Variants in DMXL1 observed in about 807,000 individuals in gnomAD.
DMXL1 encodes the protein dmX-like protein 1.
In DMXL1, 99 loss-of-function variants were observed where a neutral mutation model predicts 319.2. That is an observed-to-expected ratio of 0.31 (90% CI 0.26 to 0.37). The LOEUF is 0.37. Ranked by LOEUF, DMXL1 falls within the 10% of genes least tolerant of loss-of-function variation. The probability of loss-of-function intolerance (pLI) is 1.00; values close to 1 mark genes in which losing one functional copy is unlikely to be tolerated. For missense variants in DMXL1, 3,745 were observed against 3,595.6 expected, an observed-to-expected ratio of 1.04 and a Z score of -1.06; for synonymous variants, 1,385 against 1,235.2, an observed-to-expected ratio of 1.12 and a Z score of -2.54.
intron 37 of DMXL1, 123 bp from the exon 38 acceptor site, chr5:119,224,586 C>A (rs1007643120): frequency 7.9e-6 from 3 of 382,002 alleles, no homozygotes; most frequent in African/African-American, 2.1e-5. Context: ...TTTTTAGCAC[C>A]CATAATGATA....
At chr5:119,245,440 C>G (rs1193150348) in intron 43 of DMXL1, among the ~76,000 whole-genome samples, 1 of 151,762 alleles carries the variant, frequency 6.6e-6, no homozygotes, top group African/African-American at 2.4e-5. Context: ...TTCTTAAAAT[C>G]AAATATATAT....
At chr5:119,080,222 C>G (rs1273510046) in intron 1 of DMXL1, among the ~76,000 whole-genome samples, 1 of 152,094 alleles carries the variant, frequency 6.6e-6, no homozygotes, top group African/African-American at 2.4e-5. Context: ...TGGTGGGTGC[C>G]TATGATCTCA....
chr5:119,101,002 C>T (rs535677893), intron 2 of DMXL1, among the ~76,000 whole-genome samples: 1 of 151,964 alleles, frequency 6.6e-6, no homozygotes, highest in South Asian at 2.1e-4. Context: ...AGGATGGACT[C>T]GATCTCCTGA....
chr5:119,141,136 T>A (rs1156393744), intron 13 of DMXL1, among the ~76,000 whole-genome samples: 1 of 152,114 alleles, frequency 6.6e-6, no homozygotes, highest in Non-Finnish European at 1.5e-5. Flanking sequence ...TGACAGACTC[T>A]CAGCCAACAT....
chr5:119,241,939 ATAAT>A (rs1307678912), intron 42 of DMXL1, among the ~76,000 whole-genome samples: 1 of 152,360 alleles, frequency 6.6e-6, no homozygotes, highest in Non-Finnish European at 1.5e-5. Context: ...AGTATGTACT[ATAAT>A]TAATTTTATG....
intron 19 of DMXL1, among the ~76,000 whole-genome samples, chr5:119,158,206 T>A (rs998726253): frequency 7.4e-6 from 1 of 134,810 alleles, no homozygotes; most frequent in African/African-American, 2.7e-5. Flanking sequence ...ATTTCTAAGG[T>A]TTTTTTTTTT....
chr5:119,077,635 T>TC (rs1561527002), intron 1 of DMXL1, among the ~76,000 whole-genome samples: 1 of 121,894 alleles, frequency 8.2e-6, no homozygotes, highest in Non-Finnish European at 1.6e-5. Context: ...CATTCCTGGC[T>TC]TTTTTTTTTT....
intron 1 of DMXL1, among the ~76,000 whole-genome samples, chr5:119,083,918 G>A (rs1301179088): frequency 6.6e-6 from 1 of 151,988 alleles, no homozygotes; most frequent in Non-Finnish European, 1.5e-5. Context: ...ACAGTACCAG[G>A]GTTCTCCTTT....
At chr5:119,212,360 CA>C (rs1317256531) in intron 34 of DMXL1, among the ~76,000 whole-genome samples, 1 of 152,168 alleles carries the variant, frequency 6.6e-6, no homozygotes, top group Admixed American at 6.6e-5. Flanking sequence ...CTTTGAGGTT[CA>C]TCCATATTTT....
chr5:119,164,767 CTT>C (rs1424752190), intron 20 of DMXL1, 91 bp downstream of exon 20: 1 of 1,206,314 alleles, frequency 8.3e-7, no homozygotes, highest in Non-Finnish European at 1.1e-6. Context: ...ATTACTCCCT[CTT>C]GTTTTTGAAG....
At chr5:119,178,627 A>C in intron 28 of DMXL1, 1 of 985,342 alleles carries the variant, frequency 1.0e-6, no homozygotes, top group Non-Finnish European at 1.2e-6. Context: ...TCTCCATGGA[A>C]TGTGTGGGCT....
At chr5:119,113,202 CAT>C (rs1189982658) in intron 5 of DMXL1, among the ~76,000 whole-genome samples, 1 of 151,526 alleles carries the variant, frequency 6.6e-6, no homozygotes, top group African/African-American at 2.4e-5. Flanking sequence ...CACATATACA[CAT>C]CTTTTGCATC....
At chr5:119,124,506 G>C (rs995772091) in intron 9 of DMXL1, among the ~76,000 whole-genome samples, 4 of 149,772 alleles carry the variant, frequency 2.7e-5, no homozygotes, top group African/African-American at 9.8e-5. Context: ...GTAAAAACTA[G>C]TTGTTGTTGA....
Position 119,164,617 on chromosome 5 carries a change from G to A in DMXL1, c.4813G>A (p.Ala1605Thr), listed in dbSNP as rs1290647247. Residue 1605 changes from alanine (A) to threonine (T), a missense_variant, in exon 20 of 44, where the codon GCT becomes ACT. Transcript: ENST00000539542. ...KDDPTWSELR[A>T]MGVGWWVRNT... ...TGATCCCACTTGGTCTGAACTAAGA[G>A]CTATGGGTGTGGGGTGGTGGGTCCG... 1.2e-6 allele frequency: 2 copies of A among 1,614,034 alleles called. No homozygotes were observed. Among genetic ancestry groups the A allele is most frequent in the East Asian group, 2.2e-5 (1 of 44,872 alleles).
intron 32 of DMXL1, among the ~76,000 whole-genome samples, chr5:119,201,807 G>C (rs764319622): frequency 2.0e-5 from 3 of 152,100 alleles, no homozygotes; most frequent in Non-Finnish European, 4.4e-5. Context: ...GAGGGTGTAT[G>C]TGTCCAGGAA....
intron 19 of DMXL1, among the ~76,000 whole-genome samples, chr5:119,153,022 G>A (rs1224458559): frequency 6.6e-6 from 1 of 151,528 alleles, no homozygotes; most frequent in African/African-American, 2.4e-5. Flanking sequence ...TGTCACCCAG[G>A]CTGGAGTACA....
In DMXL1 at chr5:119,165,186, G is replaced by A; in HGVS notation, c.4876G>A (p.Ala1626Thr). Residue 1626 changes from alanine (A) to threonine (T), a missense_variant, in exon 21 of 44, where the codon GCT (alanine) becomes ACT (threonine). Transcript: ENST00000539542. ...RILRKCIEKV[A>T]KAAFYRKNDP... Reference sequence around the variant, plus strand: ...GATCAATATTTTTTGATTATAGGTAGCTAAAGCAGCCTTTTATAGAAAGAA... The same window carrying A: ...GATCAATATTTTTTGATTATAGGTAACTAAAGCAGCCTTTTATAGAAAGAA... 1 of 1,576,370 alleles carries A rather than the reference G, an allele frequency of 6.3e-7. No homozygotes were observed. Among genetic ancestry groups the A allele is most frequent in the Non-Finnish European group, 8.6e-7 (1 of 1,161,772 alleles).
At position 119,193,926 on chromosome 5, in the gene DMXL1, A is replaced by G. The variant is rs1561843817; in HGVS notation, c.7413A>G (p.Ala2471=). Residue 2471 remains alanine (A), a synonymous_variant, in exon 30 of 44, where the codon GCA becomes GCG. Transcript: ENST00000539542. ...DDNDDDDDVL[A]SDFHLQEHSN... is the part of the protein sequence containing the mutation. ...ATGATGATGATGATGATGTTTTAGCATCAGATTTCCATCTCCAGGAACATT... is the reference window on the plus strand; with the variant it reads ...ATGATGATGATGATGATGTTTTAGCGTCAGATTTCCATCTCCAGGAACATT... The G allele has an allele frequency of 6.2e-7, 1 of 1,611,478 alleles. No homozygotes were observed.
At chr5:119,245,703 C>A (rs751052576) in intron 43 of DMXL1, among the ~76,000 whole-genome samples, 12 of 151,984 alleles carry the variant, frequency 7.9e-5, no homozygotes, top group Non-Finnish European at 1.6e-4. Flanking sequence ...CTACACCCTG[C>A]TAATTTTTTG....
Sources: allele counts gnomAD v4.1 joint callset (sites outside exome capture counted in the v4.1 genomes callset), GRCh38; gene constraint gnomAD v4.1.1; transcripts MANE v1.5; gene names NCBI Gene and HGNC (gene_info 2026-07-23, HGNC 2026-07-21).